The following CTNNA2 variants were observed in gnomAD, a reference collection of about 807,000 sequenced individuals.
CTNNA2 encodes the protein catenin alpha 2.
A neutral mutation model predicts 101.0 loss-of-function variants in CTNNA2; 42 were observed. The ratio of observed to expected loss-of-function variants is 0.42; its 90% confidence interval spans 0.32 to 0.54. The LOEUF (loss-of-function observed/expected upper bound fraction) is 0.54. Among genes scored for constraint, CTNNA2 ranks in the 20% least tolerant of loss-of-function variants. The pLI is 0.14. For synonymous variants in CTNNA2, 450 were observed against 456.4 expected, an observed-to-expected ratio of 0.99 and a Z score of 0.18; for missense variants, 871 against 1,223.1, an observed-to-expected ratio of 0.71 and a Z score of 4.29.
intron 2 of CTNNA2, among the ~76,000 whole-genome samples, chr2:79,308,640 A>G (rs1452599391): frequency 6.6e-6 from 1 of 152,128 alleles, no homozygotes; most frequent in Non-Finnish European, 1.5e-5. Flanking sequence ...GTTTCAGGTC[A>G]TACATTTAGG....
chr2:80,456,451 C>T (rs535685625), intron 9 of CTNNA2, among the ~76,000 whole-genome samples: 16 of 152,144 alleles, frequency 1.1e-4, no homozygotes, highest in East Asian at 9.7e-4. Flanking sequence ...CTATTGGACG[C>T]GGAGGGAGCA....
chr2:80,054,471 CT>C (rs752582361), intron 7 of CTNNA2, among the ~76,000 whole-genome samples: 3 of 152,158 alleles, frequency 2.0e-5, no homozygotes, highest in Non-Finnish European at 4.4e-5. Context: ...ACACTCATGC[CT>C]TTGGCATTAT....
At chr2:79,982,952 A>G (rs1691491698) in intron 7 of CTNNA2, among the ~76,000 whole-genome samples, 1 of 152,062 alleles carries the variant, frequency 6.6e-6, no homozygotes, top group African/African-American at 2.4e-5. Context: ...AGCTATTTTG[A>G]TGTCTGTGAA....
rs1053133041 is a variant in CTNNA2, at chr2:79,467,609, G to A, written c.-134-37445G>A. 2.0e-5 allele frequency among the ~76,000 whole-genome samples: 3 copies of A among 152,314 alleles called. No homozygotes were observed. In the East Asian group the frequency reaches 5.8e-4, roughly 29 times the overall value. On this transcript the variant is annotated intron_variant, in intron 4 of 21. Transcript: ENST00000466387. ...CCAAAGTTGAAATGAAGGAAAAAAT[G>A]TTAAGGGCAGCCAGAGAGAAAGGTT...
intron 13 of CTNNA2, among the ~76,000 whole-genome samples, chr2:80,576,952 G>A (rs1208966648): frequency 6.6e-6 from 1 of 152,022 alleles, no homozygotes; most frequent in Non-Finnish European, 1.5e-5. Flanking sequence ...GTGCCCTGGA[G>A]CATTGCCAGA....
chr2:79,228,380 C>T (rs776875011), intron 2 of CTNNA2, among the ~76,000 whole-genome samples: 1 of 152,260 alleles, frequency 6.6e-6, no homozygotes, highest in Non-Finnish European at 1.5e-5. Flanking sequence ...ACAGTGTAAA[C>T]GCATTCCCTT....
intron 7 of CTNNA2, among the ~76,000 whole-genome samples, chr2:80,277,553 G>GAAAAAAAAAAAAAAAAAAAAAAAA (rs10650278): frequency 2.4e-5 from 2 of 83,828 alleles, no homozygotes; most frequent in Non-Finnish European, 2.2e-5. Flanking sequence ...AAGGATTTCT[G>GAAAAAAAAAAAAAAAAAAAAAAAA]AAAAAAAAAA....
intron 18 of CTNNA2, among the ~76,000 whole-genome samples, chr2:80,628,066 G>A (rs1453812791): frequency 1.3e-5 from 2 of 151,984 alleles, no homozygotes; most frequent in Non-Finnish European, 2.9e-5. Flanking sequence ...GGGATATAAA[G>A]GACCTCTTCA....
intron 7 of CTNNA2, among the ~76,000 whole-genome samples, chr2:80,020,227 C>T (rs1377125351): frequency 6.6e-6 from 1 of 152,094 alleles, no homozygotes; most frequent in Non-Finnish European, 1.5e-5. Context: ...TGCAAAAGAC[C>T]AAGGGGAAGT....
At chr2:80,405,217 CTTGA>C (rs1678949961) in intron 8 of CTNNA2, among the ~76,000 whole-genome samples, 1 of 152,114 alleles carries the variant, frequency 6.6e-6, no homozygotes, top group South Asian at 2.1e-4. Flanking sequence ...CCATTCTTTA[CTTGA>C]TTCTTTATTG....
chr2:79,956,956 G>GGAGAATCA (rs979030285), intron 7 of CTNNA2, among the ~76,000 whole-genome samples: 2 of 149,102 alleles, frequency 1.3e-5, no homozygotes, highest in African/African-American at 5.0e-5. Context: ...GTGAGGAAAC[G>GGAGAATCA]GAGAATCAGA....
intron 2 of CTNNA2, among the ~76,000 whole-genome samples, chr2:79,733,229 A>G (rs1687312304): frequency 6.6e-6 from 1 of 152,136 alleles, no homozygotes; most frequent in South Asian, 2.1e-4. Flanking sequence ...TGCTTATACC[A>G]TCATGAGCTA....
chr2:80,113,338 G>T (rs912555777), intron 7 of CTNNA2, among the ~76,000 whole-genome samples: 1 of 152,166 alleles, frequency 6.6e-6, no homozygotes, highest in African/African-American at 2.4e-5. Flanking sequence ...CAATTGTATT[G>T]ACGTACATTG....
intron 1 of CTNNA2, among the ~76,000 whole-genome samples, chr2:79,555,360 G>T (rs910087023): frequency 2.6e-5 from 4 of 152,112 alleles, no homozygotes; most frequent in Non-Finnish European, 5.9e-5. Flanking sequence ...GGAGGGAAAG[G>T]TGAGAGTGAA....
chr2:79,952,342 C>T (rs1688944408), intron 7 of CTNNA2, among the ~76,000 whole-genome samples: 1 of 152,126 alleles, frequency 6.6e-6, no homozygotes, highest in Non-Finnish European at 1.5e-5. Flanking sequence ...ACAACAACAA[C>T]AACCGAAACT....
At chr2:79,581,230 C>G (rs1396871264) in intron 1 of CTNNA2, among the ~76,000 whole-genome samples, 2 of 152,096 alleles carry the variant, frequency 1.3e-5, no homozygotes, top group Non-Finnish European at 2.9e-5. Context: ...TTTATGAAAA[C>G]TTATTTTAGT....
chr2:80,002,744 A>G (rs1693040601), intron 7 of CTNNA2, among the ~76,000 whole-genome samples: 1 of 152,152 alleles, frequency 6.6e-6, no homozygotes, highest in Non-Finnish European at 1.5e-5. Context: ...TCAATCAAGT[A>G]TATATTCCTG....
chr2:79,310,656 T>C (rs1446582095), intron 2 of CTNNA2, among the ~76,000 whole-genome samples: 1 of 152,186 alleles, frequency 6.6e-6, no homozygotes, highest in African/African-American at 2.4e-5. Context: ...GATTTTTTTC[T>C]CTCGTTAAAG....
intron 4 of CTNNA2, among the ~76,000 whole-genome samples, chr2:79,859,176 G>A (rs1196779697): frequency 2.6e-5 from 4 of 152,062 alleles, no homozygotes; most frequent in South Asian, 2.1e-4. Flanking sequence ...CCAATTGCTC[G>A]CTTGGTTACC....
Sources: allele counts gnomAD v4.1 joint callset (sites outside exome capture counted in the v4.1 genomes callset), GRCh38; gene constraint gnomAD v4.1.1; transcripts MANE v1.5; gene names NCBI Gene and HGNC (gene_info 2026-07-23, HGNC 2026-07-21).